Variants in PPP2R3A observed in about 807,000 individuals in gnomAD.
PPP2R3A encodes protein phosphatase 2 regulatory subunit B''alpha.
In PPP2R3A, 80 loss-of-function variants were observed where a neutral mutation model predicts 106.9. The observed-to-expected ratio is 0.75, with a 90% confidence interval of 0.62 to 0.90. The LOEUF is 0.90. Ranked by LOEUF, PPP2R3A falls within the 40% of genes least tolerant of loss-of-function variation. PPP2R3A has a pLI of 0.00. For missense variants in PPP2R3A, 1,386 were observed against 1,350.4 expected (o/e 1.03, Z -0.41); for synonymous variants, 483 against 468.3 (o/e 1.03, Z -0.41).
chr3:136,060,742 C>CT (rs1449296514), intron 5 of PPP2R3A, among the ~76,000 whole-genome samples: 1 of 152,100 alleles, frequency 6.6e-6, no homozygotes, highest in East Asian at 1.9e-4. Context: ...TGAGACTGGA[C>CT]TAATAACCAA....
chr3:136,128,047 C>G (rs910942674), intron 13 of PPP2R3A, among the ~76,000 whole-genome samples: 1 of 152,116 alleles, frequency 6.6e-6, no homozygotes, highest in Non-Finnish European at 1.5e-5. Flanking sequence ...CGGAACGACC[C>G]ACTGCAAAAA....
intron 8 of PPP2R3A, among the ~76,000 whole-genome samples, chr3:136,082,890 G>A (rs751384095): frequency 2.3e-4 from 35 of 152,192 alleles, no homozygotes; most frequent in Non-Finnish European, 4.7e-4. Flanking sequence ...AGAAAGATAC[G>A]TCTCTGCAGA....
chr3:135,982,540 A>C (rs778763685), intron 1 of PPP2R3A, among the ~76,000 whole-genome samples: 1 of 152,098 alleles, frequency 6.6e-6, no homozygotes, highest in Non-Finnish European at 1.5e-5. Flanking sequence ...CACATACCAC[A>C]TATATGACCA....
intron 13 of PPP2R3A, among the ~76,000 whole-genome samples, chr3:136,135,756 A>G (rs185663300): frequency 1.5e-4 from 23 of 152,232 alleles, no homozygotes; most frequent in South Asian, 6.2e-4. Flanking sequence ...GAGAAATACA[A>G]TGTAACATCA....
intron 3 of PPP2R3A, among the ~76,000 whole-genome samples, chr3:136,035,488 T>C (rs189040770): frequency 1.4e-3 from 215 of 152,340 alleles, no homozygotes; most frequent in African/African-American, 4.8e-3. Flanking sequence ...CATATGAAGC[T>C]TAGTTTTGCT....
chr3:136,080,991 T>G (rs1936762047), intron 7 of PPP2R3A, among the ~76,000 whole-genome samples: 1 of 150,360 alleles, frequency 6.7e-6, no homozygotes, highest in Admixed American at 6.6e-5. Flanking sequence ...CATGTGTTTC[T>G]TTTTTCTTTT....
chr3:136,067,573 A>C (rs945541722), intron 5 of PPP2R3A, among the ~76,000 whole-genome samples: 8 of 152,222 alleles, frequency 5.3e-5, no homozygotes, highest in Admixed American at 5.2e-4. Context: ...AGTACCAAAG[A>C]GGAGAGAACT....
chr3:136,000,436 A>G (rs1428851073), intron 1 of PPP2R3A, among the ~76,000 whole-genome samples: 1 of 152,288 alleles, frequency 6.6e-6, no homozygotes, highest in South Asian at 2.1e-4. Context: ...CTTGATGCAG[A>G]GAGAGAGATA....
At chr3:136,061,703 G>A (rs1487172693) in intron 5 of PPP2R3A, among the ~76,000 whole-genome samples, 1 of 151,970 alleles carries the variant, frequency 6.6e-6, no homozygotes, top group Non-Finnish European at 1.5e-5. Flanking sequence ...GGTGGCTCAC[G>A]AGGTCAGGAG....
At chr3:135,966,003 G>GAGCT (rs1328312528) in intron 1 of PPP2R3A, among the ~76,000 whole-genome samples, 154 bp downstream of exon 1, 2 of 152,084 alleles carry the variant, frequency 1.3e-5, no homozygotes, top group African/African-American at 4.8e-5. Flanking sequence ...GGGCCACACG[G>GAGCT]AGCTGATTGG....
intron 10 of PPP2R3A, among the ~76,000 whole-genome samples, chr3:136,094,521 A>G (rs1559916789): frequency 6.6e-6 from 1 of 152,226 alleles, no homozygotes. Context: ...ACACACTTCT[A>G]AATAATCTAT....
At position 136,146,334 on chromosome 3, in the gene PPP2R3A, C is replaced by G. The variant is rs1939124387; in HGVS notation, c.*1168C>G. 6.6e-6 allele frequency: 1 copy of G among 152,108 alleles called. No individual in the cohort carries two copies. 9.4% of individuals were successfully genotyped at this position (152,108 alleles called of 1,614,324 possible). On this transcript the variant is annotated 3_prime_UTR_variant, in exon 14 of 14. Coordinates refer to ENST00000264977, the MANE Select transcript of PPP2R3A (RefSeq NM_002718.5). ...GACATTTCTGATGTAAGTAAAACCC[C>G]CAAGCAACTTAATATCCATCTGTCA... is the stretch of plus-strand genomic sequence containing the variant.
intron 2 of PPP2R3A, among the ~76,000 whole-genome samples, chr3:136,012,967 TC>T (rs1934134169): frequency 6.6e-6 from 1 of 152,100 alleles, no homozygotes; most frequent in African/African-American, 2.4e-5. Flanking sequence ...TCCTCCCAAG[TC>T]CCCGAAGTCC....
At chr3:136,137,623 G>A (rs762156151) in intron 13 of PPP2R3A, among the ~76,000 whole-genome samples, 2 of 136,112 alleles carry the variant, frequency 1.5e-5, no homozygotes, top group Non-Finnish European at 3.0e-5. Context: ...CTCACTGCAA[G>A]CTCCGCCTCC....
At chr3:136,131,605 C>T (rs1045031823) in intron 13 of PPP2R3A, among the ~76,000 whole-genome samples, 1 of 152,126 alleles carries the variant, frequency 6.6e-6, no homozygotes, top group Non-Finnish European at 1.5e-5. Flanking sequence ...GACGGTGTGG[C>T]GATTCCTCAA....
At chr3:136,091,150 T>C (rs761320729) in intron 10 of PPP2R3A, among the ~76,000 whole-genome samples, 9 of 152,216 alleles carry the variant, frequency 5.9e-5, no homozygotes, top group Non-Finnish European at 8.8e-5. Flanking sequence ...TTTCTTTCCA[T>C]GTCTTGTTTA....
intron 1 of PPP2R3A, among the ~76,000 whole-genome samples, chr3:135,992,819 A>C (rs17197259): frequency 0.066 from 10,006 of 152,194 alleles, 469 homozygotes; most frequent in South Asian, 0.1. Context: ...ACAAGATTTG[A>C]GCATATATAA....
chr3:136,099,602 G>GT (rs1355687020), intron 10 of PPP2R3A, among the ~76,000 whole-genome samples: 1 of 151,586 alleles, frequency 6.6e-6, no homozygotes, highest in Admixed American at 6.6e-5. Context: ...AACCCTCCCA[G>GT]AAAGAAACCC....
intron 1 of PPP2R3A, among the ~76,000 whole-genome samples, chr3:135,984,390 C>T (rs551595038): frequency 6.6e-6 from 1 of 152,284 alleles, no homozygotes; most frequent in Non-Finnish European, 1.5e-5. Flanking sequence ...ATAGAGATAA[C>T]ACTTCAATGT....
Sources: gnomAD v4.1 joint callset for allele counts (sites outside exome capture counted in the v4.1 genomes callset) on GRCh38, gnomAD v4.1.1 for gene constraint, MANE v1.5 for transcripts, NCBI Gene and HGNC (gene_info 2026-07-23, HGNC 2026-07-21) for gene names.